The following ESRRG variants were observed in gnomAD, a reference collection of about 807,000 sequenced individuals.
ESRRG encodes estrogen related receptor gamma, also known as estrogen-related receptor gamma.
A neutral mutation model predicts 44.0 loss-of-function variants in ESRRG; 13 were observed. That is an observed-to-expected ratio of 0.30 (90% CI 0.19 to 0.47). The LOEUF is 0.47. Ranked by LOEUF, ESRRG falls within the 20% of genes least tolerant of loss-of-function variation. ESRRG has a pLI of 1.00. For synonymous variants in ESRRG, 215 were observed against 214.6 expected, an observed-to-expected ratio of 1.00 and a Z score of -0.02; for missense variants, 395 against 580.6, an observed-to-expected ratio of 0.68 and a Z score of 3.29.
At chr1:216,934,486 T>C (rs141455835) in intron 2 of ESRRG, among the ~76,000 whole-genome samples, 128 of 152,004 alleles carry the variant, frequency 8.4e-4, no homozygotes, top group African/African-American at 3.0e-3. Context: ...AAAGGTTTAA[T>C]GGACTCACAG....
intron 1 of ESRRG, among the ~76,000 whole-genome samples, chr1:216,710,576 A>G (rs2083393058): frequency 6.6e-6 from 1 of 152,208 alleles, no homozygotes; most frequent in South Asian, 2.1e-4. Context: ...TCAGGTGTAC[A>G]TGTGAGTCAC....
At chr1:216,713,336 C>A in intron 1 of ESRRG, among the ~76,000 whole-genome samples, 1 of 148,548 alleles carries the variant, frequency 6.7e-6, no homozygotes, top group South Asian at 2.1e-4. Flanking sequence ...AGAATCCTAA[C>A]TTTATAATTA....
intron 1 of ESRRG, among the ~76,000 whole-genome samples, chr1:217,133,645 C>CCT (rs2093001313): frequency 3.3e-5 from 3 of 91,728 alleles, no homozygotes; most frequent in African/African-American, 1.3e-4. Context: ...CTCTCTCTCT[C>CCT]TCTTTCTTTC....
intron 3 of ESRRG, among the ~76,000 whole-genome samples, chr1:216,636,594 A>C (rs949750464): frequency 2.0e-5 from 3 of 152,194 alleles, no homozygotes; most frequent in African/African-American, 7.2e-5. Flanking sequence ...TGACTACAGC[A>C]CTGTCTCCTT....
At chr1:216,875,940 G>A (rs1577527790) in intron 2 of ESRRG, among the ~76,000 whole-genome samples, 1 of 152,118 alleles carries the variant, frequency 6.6e-6, no homozygotes, top group East Asian at 1.9e-4. Flanking sequence ...TATTTAGAGG[G>A]AAATATCATC....
At position 216,503,451 on chromosome 1, in the gene ESRRG, C is replaced by A. The variant is rs941403979; in HGVS notation, c.*3488G>T. On this transcript the variant is annotated 3_prime_UTR_variant, in exon 7 of 7. Transcript: ENST00000408911. ...GTATGGTACACATCACAAAAATATA[C>A]AATTGATTGCTTTACAGATGTGAAG... The A allele has an allele frequency of 1.3e-5, 2 of 152,450 alleles. No individual in the cohort carries two copies. Among genetic ancestry groups the A allele is most frequent in the African/African-American group, 4.8e-5 (2 of 41,392 alleles). The allele number at this position is 152,450 out of a possible 1,614,324, so 9.4% of individuals were successfully genotyped here.
chr1:216,583,157 A>G (rs2063124029), intron 3 of ESRRG, among the ~76,000 whole-genome samples: 1 of 152,230 alleles, frequency 6.6e-6, no homozygotes, highest in Non-Finnish European at 1.5e-5. Context: ...AGCACATTAC[A>G]TAGGGTGAAA....
chr1:217,105,759 C>G (rs1470233766), intron 1 of ESRRG, among the ~76,000 whole-genome samples: 1 of 152,134 alleles, frequency 6.6e-6, no homozygotes, highest in Non-Finnish European at 1.5e-5. Context: ...AGCACCTGCC[C>G]CATTCTAGTA....
chr1:216,534,265 C>T (rs1338139722), intron 5 of ESRRG, among the ~76,000 whole-genome samples: 1 of 152,158 alleles, frequency 6.6e-6, no homozygotes, highest in African/African-American at 2.4e-5. Context: ...ATTTATTCTC[C>T]GTATCTCGAA....
Position 217,011,874 on chromosome 1 carries a change from A to G in ESRRG, c.-105-72201T>C, listed in dbSNP as rs2150798150. On this transcript the variant is annotated intron_variant, in intron 1 of 7. Coordinates refer to the ESRRG transcript ENST00000359162. Reference sequence around the variant, plus strand: ...TCTTAGTACTTACCTAATTTGAACTACTTATCTCTTTAGCCCCGAGTTTTG... The same window carrying G: ...TCTTAGTACTTACCTAATTTGAACTGCTTATCTCTTTAGCCCCGAGTTTTG... Among the ~76,000 whole-genome samples, 2 of 152,238 alleles carry G rather than the reference A, an allele frequency of 1.3e-5. 1 individual carries two copies.
At chr1:217,017,478 C>CAAAAAAAAAAA (rs55820027) in intron 1 of ESRRG, among the ~76,000 whole-genome samples, 1 of 82,498 alleles carries the variant, frequency 1.2e-5, no homozygotes, top group African/African-American at 4.5e-5. Context: ...CTACATAACT[C>CAAAAAAAAAAA]AAAAAAAAAA....
At chr1:217,099,526 G>T (rs954103365) in intron 1 of ESRRG, among the ~76,000 whole-genome samples, 1 of 152,120 alleles carries the variant, frequency 6.6e-6, no homozygotes. Flanking sequence ...GCCATGAATT[G>T]TACCAAGGAC....
chr1:216,723,440 C>A (rs564499741), upstream of ESRRG: 3 of 729,146 alleles, frequency 4.1e-6, no homozygotes, highest in South Asian at 4.8e-5. Flanking sequence ...TCACACTCTC[C>A]TAATCAAGGA....
intron 2 of ESRRG, among the ~76,000 whole-genome samples, chr1:216,895,013 A>G (rs2058254220): frequency 6.6e-6 from 1 of 152,090 alleles, no homozygotes; most frequent in Non-Finnish European, 1.5e-5. Flanking sequence ...CTGTTTTTCA[A>G]TTTGTGTGGA....
At chr1:216,993,132 G>GATGAATGA (rs751425297) in intron 1 of ESRRG, among the ~76,000 whole-genome samples, 11 of 152,268 alleles carry the variant, frequency 7.2e-5, no homozygotes, top group African/African-American at 2.6e-4. Context: ...ACAAGTAGTT[G>GATGAATGA]ATGAATGAAT....
At chr1:216,946,210 C>G (rs1017921790) in intron 1 of ESRRG, among the ~76,000 whole-genome samples, 1 of 152,130 alleles carries the variant, frequency 6.6e-6, no homozygotes, top group African/African-American at 2.4e-5. Flanking sequence ...AGCTTGTGTT[C>G]CAAATGAATT....
At chr1:216,959,559 C>T (rs922110058) in intron 1 of ESRRG, 2 of 152,114 alleles carry the variant, frequency 1.3e-5, no homozygotes, top group Non-Finnish European at 2.9e-5. Flanking sequence ...CAGTGGTACA[C>T]ACCTGTAGTC....
At chr1:217,008,528 C>G (rs2078089835) in intron 1 of ESRRG, among the ~76,000 whole-genome samples, 1 of 152,178 alleles carries the variant, frequency 6.6e-6, no homozygotes, top group African/African-American at 2.4e-5. Context: ...TTTGCACTCT[C>G]TAGGTTCTAG....
At chr1:216,603,928 C>CA (rs1316344868) in intron 3 of ESRRG, among the ~76,000 whole-genome samples, 90 of 33,028 alleles carry the variant, frequency 2.7e-3, no homozygotes, top group African/African-American at 0.011. Context: ...GACTCTGAAT[C>CA]AAAAAAAACA....
Sources: gnomAD v4.1 joint callset for allele counts (sites outside exome capture counted in the v4.1 genomes callset) on GRCh38, gnomAD v4.1.1 for gene constraint, MANE v1.5 for transcripts, NCBI Gene and HGNC (gene_info 2026-07-23, HGNC 2026-07-21) for gene names.